The following CREBRF variants were observed in gnomAD, a reference collection of about 807,000 sequenced individuals.
The protein encoded by CREBRF is UPF0474 protein C5orf41.
In CREBRF, 5 loss-of-function variants were observed where a neutral mutation model predicts 66.1. The observed-to-expected ratio is 0.08, with a 90% CI of 0.04 to 0.16. The LOEUF is 0.16. Ranked by LOEUF, CREBRF falls within the 10% of genes least tolerant of loss-of-function variation. The probability of loss-of-function intolerance (pLI) is 1.00; values close to 1 mark genes in which losing one functional copy is unlikely to be tolerated. For missense variants in CREBRF, 531 were observed against 744.9 expected (o/e 0.71, Z 3.34); for synonymous variants, 229 against 264.4 (o/e 0.87, Z 1.30).
intron 1 of CREBRF, among the ~76,000 whole-genome samples, chr5:173,064,734 T>G (rs996987968): frequency 1.3e-5 from 2 of 151,868 alleles, no homozygotes; most frequent in Admixed American, 1.3e-4. Flanking sequence ...CCAGCTAATT[T>G]TGTATTTTTA....
chr5:173,092,076 T>G (rs1329541770), intron 4 of CREBRF: 1 of 660,250 alleles, frequency 1.5e-6, no homozygotes, highest in African/African-American at 2.0e-5. Context: ...AGTGAAAGTC[T>G]GTCTCAATAA....
chr5:173,067,868 C>T (rs553769648), intron 1 of CREBRF, among the ~76,000 whole-genome samples: 38 of 152,062 alleles, frequency 2.5e-4, no homozygotes, highest in Admixed American at 4.6e-4. Context: ...GGTGTGGTGG[C>T]GGGCACCTGT....
chr5:173,065,807 TA>T (rs1757419686), intron 1 of CREBRF, among the ~76,000 whole-genome samples: 1 of 151,228 alleles, frequency 6.6e-6, no homozygotes, highest in African/African-American at 2.4e-5. Flanking sequence ...CATGCCCAGC[TA>T]ATTTTTTTTG....
intron 4 of CREBRF, among the ~76,000 whole-genome samples, chr5:173,100,122 AT>A (rs1272172633): frequency 1.8e-4 from 7 of 38,082 alleles, no homozygotes; most frequent in African/African-American, 6.9e-4. Context: ...GTGTGTGTAT[AT>A]ATATATAATT....
chr5:173,057,261 T>G (rs1381828050), intron 1 of CREBRF: 8 of 152,566 alleles, frequency 5.2e-5, no homozygotes, highest in Non-Finnish European at 7.3e-5. Context: ...CACTAATTGG[T>G]TAGGCTGTGC....
intron 1 of CREBRF, among the ~76,000 whole-genome samples, chr5:173,074,964 C>CT (rs1383362533): frequency 6.6e-6 from 1 of 152,150 alleles, no homozygotes; most frequent in African/African-American, 2.4e-5. Context: ...GGATAAAAGA[C>CT]TATTACATTG....
intron 2 of CREBRF, among the ~76,000 whole-genome samples, chr5:173,084,409 CAG>C (rs1758063794): frequency 6.6e-6 from 1 of 152,186 alleles, no homozygotes; most frequent in African/African-American, 2.4e-5. Context: ...TAGTTTGTTA[CAG>C]AGTCATCCAT....
At chr5:173,125,826 T>C (rs1464433636) in intron 8 of CREBRF, among the ~76,000 whole-genome samples, 1 of 152,214 alleles carries the variant, frequency 6.6e-6, no homozygotes, top group African/African-American at 2.4e-5. Context: ...ATTGTGCCAC[T>C]GCGCTCCCGC....
In CREBRF at chr5:173,060,723, C is replaced by CT. The variant is rs756443330; in HGVS notation, c.-192+4259dup. 9.8e-3 allele frequency among the ~76,000 whole-genome samples: 1,335 copies of CT among 135,760 alleles called. 18 individuals are homozygous for CT. Among genetic ancestry groups the CT allele is most frequent in the East Asian group, 0.033 (155 of 4,742 alleles). 89.1% of individuals were successfully genotyped at this position (135,760 alleles called of 152,430 possible). A position where few individuals can be genotyped will look rare whatever the true frequency, so the allele number is the denominator to read the frequency against. On this transcript the variant is annotated intron_variant, in intron 1 of 8. Coordinates refer to ENST00000296953, the MANE Select transcript of CREBRF (RefSeq NM_153607.3). ...TTATTTTAAGACAAGGGTTGACAGA[C>CT]TTTTTTTTTTTTTTTGGAACAGGAT...
At chr5:173,124,403 C>G (rs1759211639) in intron 8 of CREBRF, 1 of 151,890 alleles carries the variant, frequency 6.6e-6, no homozygotes, top group South Asian at 2.1e-4. Context: ...ACTAAACATA[C>G]AAAAATTAGC....
intron 1 of CREBRF, among the ~76,000 whole-genome samples, chr5:173,074,444 TTCTG>T (rs1395822360): frequency 1.3e-5 from 2 of 152,162 alleles, no homozygotes; most frequent in Admixed American, 1.3e-4. Context: ...CTGAGAGTTC[TTCTG>T]TCTTCCTCTA....
At chr5:173,122,513 CTT>C (rs570872361) in intron 7 of CREBRF, among the ~76,000 whole-genome samples, 1 of 136,618 alleles carries the variant, frequency 7.3e-6, no homozygotes, top group African/African-American at 2.7e-5. Flanking sequence ...TTCTCCATTT[CTT>C]TTTTTTTTTG....
In CREBRF at chr5:173,133,852, A is replaced by ACT; in HGVS notation, c.*107_*108insCT. ...CAGTTAGCATTATGTAAACATTTACAATTAGGTTACATTGTTTTAAGAACT... is the reference window on the plus strand; with the variant it reads ...CAGTTAGCATTATGTAAACATTTACACTATTAGGTTACATTGTTTTAAGAACT... On this transcript the variant is annotated 3_prime_UTR_variant, in exon 9 of 9. Transcript: ENST00000296953. The ACT allele has an allele frequency of 1.7e-6, 1 of 588,768 alleles. No homozygotes were observed. The allele number at this position is 588,768 out of a possible 1,614,324, so 36.5% of individuals were successfully genotyped here.
At chr5:173,081,372 C>T (rs1757935217) in intron 2 of CREBRF, among the ~76,000 whole-genome samples, 1 of 152,104 alleles carries the variant, frequency 6.6e-6, no homozygotes, top group Non-Finnish European at 1.5e-5. Flanking sequence ...TCAGTGAAGC[C>T]CTGTTAGTCC....
At position 173,138,298 on chromosome 5, in the gene CREBRF, A is replaced by C. The variant is rs1759634587; in HGVS notation, c.*4553A>C. 2 of 152,218 alleles carry C rather than the reference A, an allele frequency of 1.3e-5. No homozygotes were observed. The highest frequency in any genetic ancestry group is 4.8e-5 in the African/African-American group (2 of 41,462). 9.4% of individuals were successfully genotyped at this position (152,218 alleles called of 1,614,324 possible). On this transcript the variant is annotated 3_prime_UTR_variant, in exon 9 of 9. Transcript: ENST00000296953. ...CTGTAGGAATGGTGGTTTCGTTTTAAGGAATAAGCATGTTGGGGAAAGATG... is the reference window on the plus strand; with the variant it reads ...CTGTAGGAATGGTGGTTTCGTTTTACGGAATAAGCATGTTGGGGAAAGATG...
At chr5:173,118,116 C>T (rs963895843) in intron 7 of CREBRF, among the ~76,000 whole-genome samples, 2 of 152,106 alleles carry the variant, frequency 1.3e-5, no homozygotes, top group African/African-American at 2.4e-5. Context: ...CCTTATGATC[C>T]GCCTGCCTCG....
chr5:173,134,725 T>C lies in CREBRF; in HGVS notation c.*980T>C, dbSNP rs1265750831. The stretch of plus-strand genomic sequence containing the variant: ...AAGTTTTGCACAGCTTACATGATAC[T>C]GTATGAATGTATGAAAAAAAAGGAG... On this transcript the variant is annotated 3_prime_UTR_variant, in exon 9 of 9. Coordinates refer to ENST00000296953, the MANE Select transcript of CREBRF (RefSeq NM_153607.3). 1 of 151,814 alleles carries C rather than the reference T, an allele frequency of 6.6e-6. No individual in the cohort carries two copies. Among genetic ancestry groups the C allele is most frequent in the Admixed American group, 6.6e-5 (1 of 15,200 alleles). The allele number at this position is 151,814 out of a possible 1,614,324, so 9.4% of individuals were successfully genotyped here. A position where few individuals can be genotyped will look rare whatever the true frequency, so the allele number is the denominator to read the frequency against.
intron 3 of CREBRF, among the ~76,000 whole-genome samples, chr5:173,089,158 C>G (rs1314278797): frequency 7.8e-6 from 1 of 128,792 alleles, no homozygotes; most frequent in Non-Finnish European, 1.6e-5. Context: ...GTCTGGGTGA[C>G]AGAGTGAGAC....
At position 173,133,752 on chromosome 5, in the gene CREBRF, T is replaced by G; in HGVS notation, c.*7T>G. 7.0e-7 allele frequency: 1 copy of G among 1,429,950 alleles called. No individual in the cohort carries two copies. Among genetic ancestry groups the G allele is most frequent in the East Asian group, 2.3e-5 (1 of 43,504 alleles). The allele number at this position is 1,429,950 out of a possible 1,614,324, so 88.6% of individuals were successfully genotyped here. On this transcript the variant is annotated 3_prime_UTR_variant, in exon 9 of 9. Transcript: ENST00000296953. ...ACCAACATCAAAGGTGTAATCAGCCTCATTGGACCACTGGTCAGAAATGTC... is the reference window on the plus strand; with the variant it reads ...ACCAACATCAAAGGTGTAATCAGCCGCATTGGACCACTGGTCAGAAATGTC...
Sources: allele counts gnomAD v4.1 joint callset (sites outside exome capture counted in the v4.1 genomes callset), GRCh38; gene constraint gnomAD v4.1.1; transcripts MANE v1.5; gene names NCBI Gene and HGNC (gene_info 2026-07-23, HGNC 2026-07-21).